Variants in STKLD1 observed in about 807,000 individuals in gnomAD.
The protein encoded by STKLD1 is serine/threonine kinase-like domain-containing protein STKLD1.
STKLD1 carries 79 observed loss-of-function variants against 80.4 expected under a neutral mutation model. The observed-to-expected ratio is 0.98, with a 90% CI of 0.82 to 1.19. STKLD1 has a LOEUF of 1.19. STKLD1 is among the 50% of genes most tolerant of loss of function. STKLD1 has a pLI of 0.00. For synonymous variants in STKLD1, 393 were observed against 357.6 expected (o/e 1.10, Z -1.12); for missense variants, 841 against 856.0 (o/e 0.98, Z 0.22).
intron 7 of STKLD1, among the ~76,000 whole-genome samples, chr9:133,392,641 A>ATGGATG (rs1262373593): frequency 1.1e-3 from 9 of 7,918 alleles, no homozygotes; most frequent in Admixed American, 2.9e-3. Context: ...ATGGATGGAT[A>ATGGATG]GGTGGGTGGG....
intron 1 of STKLD1, among the ~76,000 whole-genome samples, 193 bp from the exon 2 acceptor site, chr9:133,378,843 G>A (rs1001942951): frequency 4.6e-5 from 7 of 152,238 alleles, no homozygotes; most frequent in African/African-American, 1.7e-4. Flanking sequence ...AAATAGGTGA[G>A]ATCAGAGTTC....
intron 1 of STKLD1, among the ~76,000 whole-genome samples, chr9:133,378,006 C>T (rs1838040062): frequency 6.6e-6 from 1 of 152,148 alleles, no homozygotes; most frequent in Non-Finnish European, 1.5e-5. Context: ...ATAGGGTTCA[C>T]ACTCCCATGA....
At chr9:133,398,303 C>T (rs1424049021) in intron 11 of STKLD1, among the ~76,000 whole-genome samples, 1 of 152,196 alleles carries the variant, frequency 6.6e-6, no homozygotes, top group African/African-American at 2.4e-5. Flanking sequence ...ACAGACATCC[C>T]ATCTTCCCCA....
intron 2 of STKLD1, among the ~76,000 whole-genome samples, chr9:133,382,588 G>T (rs1588737204): frequency 6.6e-6 from 1 of 150,986 alleles, no homozygotes; most frequent in African/African-American, 2.4e-5. Flanking sequence ...CATGGTGATG[G>T]TGTGATGATG....
rs781875888 is a variant in STKLD1, at chr9:133,394,277, G to A, written c.584-14G>A. 3 of 1,581,848 alleles carry A rather than the reference G, an allele frequency of 1.9e-6. No homozygotes were observed. The East Asian group carries it at 6.7e-5, about 35-fold the overall frequency. ...GCAAAGGACTCAGGGATCCCACCTT[G>A]CTTTTACCAACAGACCCCTTTCGTA... On this transcript the variant is annotated splice_polypyrimidine_tract_variant and intron_variant, in intron 7 of 17. Transcript: ENST00000371957. This position sits in a 1 kb window ranked among gnomAD's most constrained non-coding sequence, Gnocchi z 4.9.
intron 12 of STKLD1, among the ~76,000 whole-genome samples, chr9:133,401,424 CCG>C (rs925245761): frequency 3.9e-5 from 6 of 152,314 alleles, no homozygotes; most frequent in Admixed American, 3.3e-4. Context: ...GCATGAGCCA[CCG>C]CGCGCGGCCA....
chr9:133,379,703 A>G (rs2130261582), intron 2 of STKLD1, among the ~76,000 whole-genome samples: 1 of 152,324 alleles, frequency 6.6e-6, no homozygotes, highest in Non-Finnish European at 1.5e-5. Context: ...GCCTGCAGGA[A>G]GACAGCCCTT....
chr9:133,386,289 C>G (rs2130277238), intron 4 of STKLD1, among the ~76,000 whole-genome samples: 1 of 152,352 alleles, frequency 6.6e-6, no homozygotes, highest in South Asian at 2.1e-4. Context: ...TCCAGGTTAC[C>G]CAGCTAGTAC....
intron 7 of STKLD1, among the ~76,000 whole-genome samples, chr9:133,392,702 A>G (rs1402025030): frequency 0.042 from 2,027 of 48,690 alleles, 207 homozygotes; most frequent in African/African-American, 0.05. Context: ...TGAGTGGATG[A>G]GTGGATGGAT....
chr9:133,395,593 C>G lies in STKLD1; in HGVS notation c.703-7C>G. 1 of 1,612,352 alleles carries G rather than the reference C, an allele frequency of 6.2e-7. No homozygotes were observed. Among genetic ancestry groups the G allele is most frequent in the Non-Finnish European group, 8.5e-7 (1 of 1,179,692 alleles). ...GGAATACACAGAGCTGTCCTCTCTC[C>G]GTGCAGGGCACAGAAGCCATGCATC... On this transcript the variant is annotated splice_polypyrimidine_tract_variant and splice_region_variant and intron_variant, in intron 8 of 17. Transcript: ENST00000371957.
chr9:133,398,570 G>A (rs1024035995), intron 11 of STKLD1, among the ~76,000 whole-genome samples: 1 of 152,164 alleles, frequency 6.6e-6, no homozygotes, highest in East Asian at 1.9e-4. Flanking sequence ...CTTGAGCCCA[G>A]GGATTTGAGA....
chr9:133,386,255 CAG>C (rs1838264071), intron 4 of STKLD1, among the ~76,000 whole-genome samples: 1 of 152,188 alleles, frequency 6.6e-6, no homozygotes, highest in Admixed American at 6.5e-5. Flanking sequence ...GAAGAAGAAA[CAG>C]AGGCTAACAG....
intron 2 of STKLD1, among the ~76,000 whole-genome samples, chr9:133,383,312 G>GAGA (rs1838188460): frequency 8.9e-3 from 10 of 1,124 alleles, no homozygotes; most frequent in Admixed American, 0.018. Flanking sequence ...GGTAATGGTG[G>GAGA]TGGTGTGATG....
intron 2 of STKLD1, among the ~76,000 whole-genome samples, chr9:133,380,118 C>G (rs993631555): frequency 6.6e-6 from 1 of 152,184 alleles, no homozygotes; most frequent in African/African-American, 2.4e-5. Flanking sequence ...TCACTGCAAC[C>G]TCTGCCTCCT....
At chr9:133,393,191 CATGG>C (rs1276349804) in intron 7 of STKLD1, among the ~76,000 whole-genome samples, 50 of 90,772 alleles carry the variant, frequency 5.5e-4, no homozygotes, top group Admixed American at 1.1e-3. Flanking sequence ...TGGATGAGTG[CATGG>C]ATGGATGGAT....
intron 17 of STKLD1, 51 bp from the exon 18 acceptor site, chr9:133,405,201 A>G: frequency 6.5e-7 from 1 of 1,540,972 alleles, no homozygotes; most frequent in Non-Finnish European, 8.7e-7. Flanking sequence ...GGCTTCTGGC[A>G]AGGGGCACAG....
intron 16 of STKLD1, 124 bp from the exon 17 acceptor site, chr9:133,404,665 G>A: frequency 1.5e-6 from 2 of 1,378,702 alleles, no homozygotes; most frequent in South Asian, 1.4e-5. Context: ...GGGCCTCCTG[G>A]GTCCCGTCTC....
chr9:133,401,702 G>T, intron 12 of STKLD1, 36 bp from the exon 13 acceptor site: 2 of 1,596,574 alleles, frequency 1.3e-6, no homozygotes, highest in South Asian at 2.2e-5. Context: ...CTGAGCTGTG[G>T]GGCTAACCCC....
chr9:133,398,899 C>A (rs28723011), intron 11 of STKLD1, among the ~76,000 whole-genome samples: 17,903 of 152,194 alleles, frequency 0.12, 1,392 homozygotes, highest in African/African-American at 0.22. Context: ...GTCCCCCAGG[C>A]TGGAGTGCAG....
Sources: allele counts gnomAD v4.1 joint callset (sites outside exome capture counted in the v4.1 genomes callset), GRCh38; gene constraint gnomAD v4.1.1; non-coding constraint Gnocchi (gnomAD v3.1); transcripts MANE v1.5; gene names NCBI Gene and HGNC (gene_info 2026-07-23, HGNC 2026-07-21).